Variants in NSG2 observed in about 807,000 individuals in gnomAD.
NSG2 encodes neuronal vesicle trafficking-associated protein 2.
A neutral mutation model predicts 16.9 loss-of-function variants in NSG2; 4 were observed. The ratio of observed to expected loss-of-function variants is 0.24; its 90% CI spans 0.12 to 0.54. The LOEUF (loss-of-function observed/expected upper bound fraction) is 0.54, where lower values mean the gene tolerates loss of function less well. Ranked by LOEUF, NSG2 falls within the 20% of genes least tolerant of loss-of-function variation. The pLI is 0.95. For synonymous variants in NSG2, 98 were observed against 88.7 expected, an observed-to-expected ratio of 1.11 and a Z score of -0.59; for missense variants, 179 against 221.1, an observed-to-expected ratio of 0.81 and a Z score of 1.21.
chr5:174,103,071 G>A (rs748925072), intron 3 of NSG2, among the ~76,000 whole-genome samples: 4 of 151,392 alleles, frequency 2.6e-5, no homozygotes, highest in Admixed American at 1.3e-4. Context: ...TTACAGGTGT[G>A]AGCCACTGCA....
chr5:174,102,659 T>C lies in NSG2; in HGVS notation c.214-1569T>C, dbSNP rs558366033. ...TTGTTTGGTGTTGTATTATTTTTTT[T>C]AAAGGTTGCTTTCAGATAGTGGATA... On this transcript the variant is annotated intron_variant, in intron 3 of 4. Transcript: ENST00000303177. Among the ~76,000 whole-genome samples the C allele has an allele frequency of 3.3e-5, 5 of 152,298 alleles. No individual in the cohort carries two copies. In the East Asian group the frequency reaches 9.6e-4, roughly 29 times the overall value.
At chr5:174,096,910 G>A (rs1760802630) in intron 3 of NSG2, among the ~76,000 whole-genome samples, 1 of 152,174 alleles carries the variant, frequency 6.6e-6, no homozygotes, top group Non-Finnish European at 1.5e-5. Flanking sequence ...AGATGCCCAT[G>A]ATATAACTTG....
In NSG2 at chr5:174,107,382, C is replaced by T. The variant is rs1387781487; in HGVS notation, c.393C>T (p.Arg131=). 2.5e-6 allele frequency: 4 copies of T among 1,607,360 alleles called. No individual in the cohort carries two copies. In the African/African-American group the frequency reaches 4.0e-5, roughly 16 times the overall value. The change falls in exon 5 of 5, where the codon CGC becomes CGT. Residue 131 remains arginine (R), a synonymous_variant. Transcript: ENST00000303177. The surrounding 1 kb of genome is among the most constrained non-coding windows in gnomAD (Gnocchi z 4.5). ...CCCAGGACCCCAATTCCAGAAGCCGCTTCTACACAGTCATCAGCCACTACA... is the reference window on the plus strand; with the variant it reads ...CCCAGGACCCCAATTCCAGAAGCCGTTTCTACACAGTCATCAGCCACTACA... ...YSSQDPNSRS[R]FYTVISHYSV...
intron 2 of NSG2, 21 bp downstream of exon 2, chr5:174,046,905 CTCA>C (rs761804580): frequency 6.2e-7 from 1 of 1,612,798 alleles, no homozygotes; most frequent in Non-Finnish European, 8.5e-7. Flanking sequence ...TCCTCTTGCT[CTCA>C]TCAGCCCCCA....
At chr5:174,063,244 C>T (rs1760080722) in intron 2 of NSG2, among the ~76,000 whole-genome samples, 1 of 152,222 alleles carries the variant, frequency 6.6e-6, no homozygotes, top group Non-Finnish European at 1.5e-5. Context: ...CCTCATGGCA[C>T]TGCAGCACTT....
At chr5:174,105,157 C>A (rs1442778817) in intron 4 of NSG2, among the ~76,000 whole-genome samples, 3 of 152,200 alleles carry the variant, frequency 2.0e-5, no homozygotes, top group Non-Finnish European at 4.4e-5. Flanking sequence ...GCTCCCATTT[C>A]ACATATGAGG....
intron 2 of NSG2, among the ~76,000 whole-genome samples, chr5:174,050,692 C>T (rs1283077216): frequency 1.3e-5 from 2 of 152,150 alleles, no homozygotes; most frequent in African/African-American, 4.8e-5. Context: ...CCCTTGAGCC[C>T]TCCCCCTGGC....
intron 3 of NSG2, among the ~76,000 whole-genome samples, chr5:174,086,989 C>T (rs1309396450): frequency 2.0e-5 from 3 of 152,196 alleles, no homozygotes; most frequent in African/African-American, 7.2e-5. Context: ...TGGCTCTACA[C>T]CCAGGAATCA....
intron 2 of NSG2, among the ~76,000 whole-genome samples, chr5:174,059,221 CTT>C (rs754805609): frequency 2.0e-5 from 3 of 152,254 alleles, no homozygotes; most frequent in East Asian, 3.9e-4. Flanking sequence ...ATAAAAACCT[CTT>C]GGTATCTAAT....
intron 2 of NSG2, among the ~76,000 whole-genome samples, chr5:174,061,605 T>C (rs1341961386): frequency 6.6e-6 from 1 of 152,148 alleles, no homozygotes; most frequent in Non-Finnish European, 1.5e-5. Flanking sequence ...CTTCCAAAAC[T>C]CTTTTTTTTC....
intron 3 of NSG2, among the ~76,000 whole-genome samples, chr5:174,079,701 A>G (rs1760416335): frequency 6.6e-6 from 1 of 152,178 alleles, no homozygotes; most frequent in African/African-American, 2.4e-5. Context: ...TCCCAAAGCT[A>G]CAGACTTAGT....
intron 3 of NSG2, among the ~76,000 whole-genome samples, chr5:174,081,967 A>G (rs1463646587): frequency 1.3e-5 from 2 of 152,114 alleles, no homozygotes; most frequent in Non-Finnish European, 2.9e-5. Flanking sequence ...GACAGTAGAG[A>G]AATAATCTGT....
At chr5:174,052,719 T>A (rs1022596532) in intron 2 of NSG2, among the ~76,000 whole-genome samples, 4 of 152,146 alleles carry the variant, frequency 2.6e-5, no homozygotes, top group Admixed American at 2.6e-4. Flanking sequence ...AATCCCCATT[T>A]TACAGGTGCA....
chr5:174,064,843 G>T (rs76431881), intron 3 of NSG2, among the ~76,000 whole-genome samples: 2,806 of 152,230 alleles, frequency 0.018, 87 homozygotes, highest in African/African-American at 0.064. Context: ...TTCTCTGTGA[G>T]GGTGAAAGAG....
rs1760259711 is a variant in NSG2, at chr5:174,072,423, A to G, written c.213+8108A>G. Among the ~76,000 whole-genome samples, 1 of 152,170 alleles carries G rather than the reference A, an allele frequency of 6.6e-6. No homozygotes were observed. The highest frequency in any genetic ancestry group is 2.4e-5 in the African/African-American group (1 of 41,424). ...TGTCTTTCCTGCCTGCCATGGGGCC[A>G]TCTCCCTATTCATCCCTCAACACCA... On this transcript the variant is annotated intron_variant, in intron 3 of 4. Coordinates refer to ENST00000303177, the MANE Select transcript of NSG2 (RefSeq NM_015980.5). This position sits in a 1 kb window ranked among gnomAD's most constrained non-coding sequence, Gnocchi z 4.0.
At chr5:174,069,873 CA>C (rs1202596886) in intron 3 of NSG2, among the ~76,000 whole-genome samples, 1 of 135,872 alleles carries the variant, frequency 7.4e-6, no homozygotes, top group African/African-American at 3.0e-5. Context: ...AAAGGTAGGC[CA>C]TTTTTTTTTT....
chr5:174,056,787 T>C (rs144008420), intron 2 of NSG2, among the ~76,000 whole-genome samples: 1 of 152,384 alleles, frequency 6.6e-6, no homozygotes, highest in African/African-American at 2.4e-5. Flanking sequence ...TTGTATTTAT[T>C]GTTCCTGCCA....
intron 1 of NSG2, among the ~76,000 whole-genome samples, chr5:174,046,361 G>C (rs771317921): frequency 2.0e-5 from 3 of 151,828 alleles, no homozygotes; most frequent in Non-Finnish European, 4.4e-5. Context: ...AGGCGGGGGG[G>C]GTGGTATAAT....
intron 3 of NSG2, among the ~76,000 whole-genome samples, chr5:174,101,789 A>G (rs140861333): frequency 6.6e-6 from 1 of 152,286 alleles, no homozygotes; most frequent in African/African-American, 2.4e-5. Context: ...CATGTTGATC[A>G]TGTGTTCCTA....
Sources: gnomAD v4.1 joint callset for allele counts (sites outside exome capture counted in the v4.1 genomes callset) on GRCh38, gnomAD v4.1.1 for gene constraint, Gnocchi (gnomAD v3.1) non-coding constraint, MANE v1.5 for transcripts, NCBI Gene and HGNC (gene_info 2026-07-23, HGNC 2026-07-21) for gene names.